Variants in NMNAT2 observed in about 807,000 individuals in gnomAD.
The protein encoded by NMNAT2 is nicotinamide nucleotide adenylyltransferase 2, also known as nicotinamide/nicotinic acid mononucleotide adenylyltransferase 2.
Under a neutral mutation model 41.6 loss-of-function variants are expected in NMNAT2, and 11 were observed. That is an observed-to-expected ratio of 0.26 (90% confidence interval 0.17 to 0.44). NMNAT2 has a LOEUF of 0.44. Among genes scored for constraint, NMNAT2 ranks in the 20% least tolerant of loss-of-function variants. The pLI, the probability that NMNAT2 is intolerant of heterozygous loss-of-function variation, is 1.00. For missense variants in NMNAT2, 288 were observed against 407.7 expected, an observed-to-expected ratio of 0.71 and a Z score of 2.53; for synonymous variants, 148 against 151.2, an observed-to-expected ratio of 0.98 and a Z score of 0.16.
intron 1 of NMNAT2, among the ~76,000 whole-genome samples, chr1:183,294,117 T>A (rs1661617820): frequency 6.6e-6 from 1 of 152,190 alleles, no homozygotes; most frequent in African/African-American, 2.4e-5. Flanking sequence ...GATTGGAATT[T>A]ACCCCTATTG....
intron 1 of NMNAT2, among the ~76,000 whole-genome samples, chr1:183,325,666 A>G (rs1352719777): frequency 6.6e-6 from 1 of 152,186 alleles, no homozygotes; most frequent in Admixed American, 6.5e-5. Context: ...TAGCAAACAG[A>G]TAAGTCTGTT....
intron 1 of NMNAT2, among the ~76,000 whole-genome samples, chr1:183,297,040 C>T (rs1353120572): frequency 2.0e-5 from 3 of 151,496 alleles, no homozygotes; most frequent in Non-Finnish European, 4.4e-5. Context: ...TCTTTACTCT[C>T]CCTGTCCTCC....
chr1:183,305,157 A>G (rs1477817697), intron 1 of NMNAT2, among the ~76,000 whole-genome samples: 1 of 150,692 alleles, frequency 6.6e-6, no homozygotes, highest in Non-Finnish European at 1.5e-5. Context: ...CTAAATATAT[A>G]TGTAAAAATA....
intron 1 of NMNAT2, among the ~76,000 whole-genome samples, chr1:183,395,477 A>G (rs1313066092): frequency 6.6e-6 from 1 of 152,094 alleles, no homozygotes; most frequent in Non-Finnish European, 1.5e-5. Context: ...CAATAAGAGA[A>G]GAACAAAATT....
At chr1:183,266,029 G>A (rs1412709754) in intron 8 of NMNAT2, among the ~76,000 whole-genome samples, 2 of 152,160 alleles carry the variant, frequency 1.3e-5, no homozygotes, top group Non-Finnish European at 1.5e-5. Flanking sequence ...CAATGAATGC[G>A]ACAAATGCAG....
chr1:183,400,317 C>T (rs1169089330), intron 1 of NMNAT2, among the ~76,000 whole-genome samples: 2 of 152,140 alleles, frequency 1.3e-5, no homozygotes, highest in African/African-American at 2.4e-5. Context: ...TTCACAATTG[C>T]TTCAAAGAGA....
intron 8 of NMNAT2, among the ~76,000 whole-genome samples, chr1:183,264,858 C>A (rs1021731065): frequency 1.1e-4 from 17 of 152,084 alleles, no homozygotes; most frequent in African/African-American, 4.1e-4. Context: ...GGTTGCCCTA[C>A]CTCTCTGGCT....
intron 1 of NMNAT2, among the ~76,000 whole-genome samples, chr1:183,319,540 G>A (rs1280265517): frequency 3.3e-5 from 5 of 152,326 alleles, no homozygotes; most frequent in East Asian, 1.9e-4. Context: ...TCTCAGCAGC[G>A]CCTCTGGCCA....
At chr1:183,396,441 G>A (rs931028844) in intron 1 of NMNAT2, among the ~76,000 whole-genome samples, 1 of 152,162 alleles carries the variant, frequency 6.6e-6, no homozygotes, top group African/African-American at 2.4e-5. Flanking sequence ...GGAGTTGGGC[G>A]AGTGGGCTCA....
chr1:183,407,587 A>G (rs926077863), intron 1 of NMNAT2, among the ~76,000 whole-genome samples: 9 of 152,218 alleles, frequency 5.9e-5, no homozygotes, highest in Non-Finnish European at 1.2e-4. Flanking sequence ...AGGAGATACA[A>G]AAAACCATAT....
At chr1:183,289,031 T>G (rs1011503647) in intron 4 of NMNAT2, among the ~76,000 whole-genome samples, 1 of 152,156 alleles carries the variant, frequency 6.6e-6, no homozygotes, top group African/African-American at 2.4e-5. Flanking sequence ...TGCCCTTAGC[T>G]CCCCAGGACG....
chr1:183,279,052 A>T (rs762630711), intron 7 of NMNAT2, among the ~76,000 whole-genome samples: 2 of 152,182 alleles, frequency 1.3e-5, no homozygotes, highest in Non-Finnish European at 2.9e-5. Context: ...ATTCTCTGCT[A>T]CTGTGCATTG....
At chr1:183,337,442 T>C (rs1373849899) in intron 1 of NMNAT2, among the ~76,000 whole-genome samples, 1 of 152,020 alleles carries the variant, frequency 6.6e-6, no homozygotes, top group African/African-American at 2.4e-5. Context: ...TTTAGTGTTA[T>C]CATTATCACA....
At chr1:183,395,406 C>G (rs556828199) in intron 1 of NMNAT2, among the ~76,000 whole-genome samples, 1 of 151,902 alleles carries the variant, frequency 6.6e-6, no homozygotes, top group Non-Finnish European at 1.5e-5. Flanking sequence ...GAAGCCAGGG[C>G]ATTTTGTAGG....
intron 1 of NMNAT2, among the ~76,000 whole-genome samples, chr1:183,354,282 A>G (rs755759117): frequency 6.6e-6 from 1 of 152,190 alleles, no homozygotes. Flanking sequence ...GAGGAAGGAC[A>G]ATGAGTAAGG....
chr1:183,300,883 A>T (rs1315222631), intron 1 of NMNAT2, among the ~76,000 whole-genome samples: 1 of 152,178 alleles, frequency 6.6e-6, no homozygotes, highest in Non-Finnish European at 1.5e-5. Flanking sequence ...TGTGTTGTCT[A>T]AAGCTGTGCT....
At chr1:183,318,693 T>C (rs1429489027) in intron 1 of NMNAT2, among the ~76,000 whole-genome samples, 1 of 152,162 alleles carries the variant, frequency 6.6e-6, no homozygotes, top group African/African-American at 2.4e-5. Context: ...ACGGGCTCCA[T>C]CTGCTGAGAG....
intron 1 of NMNAT2, among the ~76,000 whole-genome samples, chr1:183,365,884 G>A (rs1247834717): frequency 6.6e-6 from 1 of 152,218 alleles, no homozygotes; most frequent in Non-Finnish European, 1.5e-5. Flanking sequence ...CAGGATGCCA[G>A]CATCACTCTG....
intron 1 of NMNAT2, among the ~76,000 whole-genome samples, chr1:183,315,425 CAAG>C (rs941689741): frequency 1.7e-4 from 26 of 152,124 alleles, no homozygotes; most frequent in African/African-American, 6.3e-4. Context: ...AATTCCTTCA[CAAG>C]GTACAATACA....
Sources: gnomAD v4.1 joint callset for allele counts (sites outside exome capture counted in the v4.1 genomes callset) on GRCh38, gnomAD v4.1.1 for gene constraint, MANE v1.5 for transcripts, NCBI Gene and HGNC (gene_info 2026-07-23, HGNC 2026-07-21) for gene names.